Variants in PCDH15 observed in about 807,000 individuals in gnomAD.
PCDH15 encodes protocadherin-15.
Under a neutral mutation model 178.5 loss-of-function variants are expected in PCDH15, and 129 were observed. The ratio of observed to expected loss-of-function variants is 0.72; its 90% CI spans 0.63 to 0.84. PCDH15 has a LOEUF of 0.84. Among genes scored for constraint, PCDH15 ranks in the 40% least tolerant of loss-of-function variants. PCDH15 has a pLI of 0.00. For missense variants in PCDH15, 2,230 were observed against 2,099.9 expected (o/e 1.06, Z -1.21); for synonymous variants, 800 against 732.0 (o/e 1.09, Z -1.50).
chr10:55,161,916 T>A (rs1839076638), intron 2 of PCDH15, among the ~76,000 whole-genome samples: 1 of 152,148 alleles, frequency 6.6e-6, no homozygotes. Context: ...ATTCTAGTAA[T>A]TTTCTAGGAC....
intron 2 of PCDH15, among the ~76,000 whole-genome samples, chr10:54,538,083 T>C (rs1335218166): frequency 6.6e-6 from 1 of 152,236 alleles, no homozygotes; most frequent in Non-Finnish European, 1.5e-5. Flanking sequence ...ACTCTGTTAA[T>C]AGTCTTTTCT....
At chr10:55,344,932 T>C (rs1844706361) in intron 2 of PCDH15, among the ~76,000 whole-genome samples, 1 of 152,092 alleles carries the variant, frequency 6.6e-6, no homozygotes, top group South Asian at 2.1e-4. Flanking sequence ...AGTAACATAA[T>C]GCTACGTATT....
At chr10:55,472,191 A>G (rs1051687279) in intron 2 of PCDH15, among the ~76,000 whole-genome samples, 3 of 152,204 alleles carry the variant, frequency 2.0e-5, no homozygotes, top group African/African-American at 7.2e-5. Context: ...TAGCCAAGTA[A>G]TTTTTTAATC....
At chr10:55,492,098 A>T (rs1489100194) in intron 2 of PCDH15, among the ~76,000 whole-genome samples, 1 of 151,836 alleles carries the variant, frequency 6.6e-6, no homozygotes, top group Non-Finnish European at 1.5e-5. Context: ...AGGCTTAAAA[A>T]TAAAATAAAA....
At chr10:54,448,796 A>G (rs1363887294) in intron 3 of PCDH15, among the ~76,000 whole-genome samples, 1 of 151,774 alleles carries the variant, frequency 6.6e-6, no homozygotes, top group Non-Finnish European at 1.5e-5. Context: ...TCTTACATGT[A>G]GCACTCATAG....
chr10:54,503,264 T>TGTGTGTGTGTGTGTGAGA (rs35648214), intron 3 of PCDH15, among the ~76,000 whole-genome samples: 56 of 137,374 alleles, frequency 4.1e-4, no homozygotes, highest in Non-Finnish European at 7.8e-4. Context: ...TGTGTGTGTG[T>TGTGTGTGTGTGTGTGAGA]GATTATATAT....
rs2075769196 is a variant in PCDH15 at position 53,809,061 on chromosome 10, T to A, written c.4671+1495A>T. 6.2e-6 allele frequency: 10 copies of A among 1,612,818 alleles called. No individual in the cohort carries two copies. In the East Asian group the frequency reaches 2.2e-4, roughly 36 times the overall value. ...TGACCTCCTCAACCATGGGCCTTCT[T>A]CTTGCAAGCACAATGTTTTTCCTTG... On this transcript the variant is annotated intron_variant, in intron 37 of 37. Coordinates refer to ENST00000644397, the MANE Select transcript of PCDH15 (RefSeq NM_001384140.1).
chr10:53,838,211 G>A (rs568864431), intron 29 of PCDH15, among the ~76,000 whole-genome samples: 52 of 151,950 alleles, frequency 3.4e-4, no homozygotes, highest in African/African-American at 1.2e-3. Context: ...TCCTGACCTC[G>A]TGATCCACCC....
chr10:54,299,229 C>T (rs966640613), intron 8 of PCDH15, among the ~76,000 whole-genome samples: 1 of 150,642 alleles, frequency 6.6e-6, no homozygotes, highest in Non-Finnish European at 1.5e-5. Context: ...GAGACAGAGA[C>T]AAAGAAGAAG....
rs936605325 is a variant in PCDH15, at chr10:55,276,165, T to C, written c.-156+43434A>G. On this transcript the variant is annotated intron_variant, in intron 1 of 5. Transcript: ENST00000458638. The stretch of plus-strand genomic sequence containing the variant: ...TTTTTTTTTAGTTTTCTACATCACG[T>C]GAAAATAATAAAAACGTAACTTTTT... Among the ~76,000 whole-genome samples, 37 of 151,070 alleles carry C rather than the reference T, an allele frequency of 2.4e-4. 1 individual carries two copies. The highest frequency in any genetic ancestry group is 7.0e-4 in the African/African-American group (29 of 41,462).
chr10:55,554,085 T>C (rs1326271779), intron 2 of PCDH15, among the ~76,000 whole-genome samples: 1 of 151,990 alleles, frequency 6.6e-6, no homozygotes. Flanking sequence ...CTTGTGCTTG[T>C]TCCCACTACC....
intron 1 of PCDH15, among the ~76,000 whole-genome samples, chr10:54,685,188 C>G (rs549272071): frequency 6.6e-6 from 1 of 152,094 alleles, no homozygotes; most frequent in African/African-American, 2.4e-5. Context: ...ATAACATGCA[C>G]GGAGCTGTCA....
At chr10:55,030,854 T>A (rs192942201) in intron 2 of PCDH15, among the ~76,000 whole-genome samples, 1 of 152,200 alleles carries the variant, frequency 6.6e-6, no homozygotes, top group Non-Finnish European at 1.5e-5. Context: ...TATACATATA[T>A]GTATAGAAAA....
intron 2 of PCDH15, among the ~76,000 whole-genome samples, chr10:54,976,294 T>C (rs1376607839): frequency 1.3e-5 from 2 of 152,166 alleles, no homozygotes; most frequent in Non-Finnish European, 2.9e-5. Context: ...AACAGTTTCT[T>C]CCTGCCTGCT....
At chr10:54,974,066 C>CACACACACACACACAG (rs1839005196) in intron 2 of PCDH15, among the ~76,000 whole-genome samples, 1 of 151,130 alleles carries the variant, frequency 6.6e-6, no homozygotes, top group South Asian at 2.1e-4. Context: ...CTCACACACA[C>CACACACACACACACAG]ACACACACAC....
At chr10:55,030,011 C>T (rs1840569471) in intron 2 of PCDH15, among the ~76,000 whole-genome samples, 1 of 152,044 alleles carries the variant, frequency 6.6e-6, no homozygotes, top group Non-Finnish European at 1.5e-5. Flanking sequence ...ATATTATTAT[C>T]ATTTCTTCAA....
intron 2 of PCDH15, among the ~76,000 whole-genome samples, chr10:55,442,314 T>C (rs1001700685): frequency 6.6e-6 from 1 of 150,638 alleles, no homozygotes; most frequent in Non-Finnish European, 1.5e-5. Flanking sequence ...TATTAGTAAA[T>C]CCATTAATTC....
At chr10:54,395,202 A>G (rs908789574) in intron 3 of PCDH15, among the ~76,000 whole-genome samples, 45 of 152,234 alleles carry the variant, frequency 3.0e-4, no homozygotes, top group Admixed American at 8.5e-4. Flanking sequence ...AATCTTTACA[A>G]TTTATGTTTA....
intron 21 of PCDH15, among the ~76,000 whole-genome samples, chr10:53,965,466 A>G (rs1378263831): frequency 2.0e-5 from 3 of 152,356 alleles, no homozygotes; most frequent in Non-Finnish European, 2.9e-5. Flanking sequence ...CTTGGCTCAC[A>G]CTAAAACCGA....
Sources: gnomAD v4.1 joint callset for allele counts (sites outside exome capture counted in the v4.1 genomes callset) on GRCh38, gnomAD v4.1.1 for gene constraint, MANE v1.5 for transcripts, NCBI Gene and HGNC (gene_info 2026-07-23, HGNC 2026-07-21) for gene names.